Variants in ATP9A observed in about 807,000 individuals in gnomAD.
ATP9A encodes the protein ATPase phospholipid transporting 9A.
ATP9A carries 52 observed loss-of-function variants against 144.1 expected under a neutral mutation model. The ratio of observed to expected loss-of-function variants is 0.36; its 90% confidence interval spans 0.29 to 0.45. The LOEUF (loss-of-function observed/expected upper bound fraction) is 0.45. Ranked by LOEUF, ATP9A falls within the 20% of genes least tolerant of loss-of-function variation. The pLI, the probability that ATP9A is intolerant of heterozygous loss-of-function variation, is 1.00. For synonymous variants in ATP9A, 582 were observed against 557.4 expected (o/e 1.04, Z -0.62); for missense variants, 947 against 1,392.7 (o/e 0.68, Z 5.09).
intron 1 of ATP9A, among the ~76,000 whole-genome samples, chr20:51,739,016 G>C (rs766551881): frequency 6.6e-6 from 1 of 152,106 alleles, no homozygotes; most frequent in African/African-American, 2.4e-5. Flanking sequence ...TTGAACCTGG[G>C]AGGCGGAGGT....
At position 51,633,275 on chromosome 20, in the gene ATP9A, G is replaced by A. The variant is rs187617116; in HGVS notation, c.1669-4203C>T. ...CATTAAAATCAGATTTTAATAATAC[G>A]AAAAAATTCTCATCGTATACATATA... is the stretch of plus-strand genomic sequence containing the variant. On this transcript the variant is annotated intron_variant, in intron 15 of 27. Coordinates refer to ENST00000338821, the MANE Select transcript of ATP9A (RefSeq NM_006045.3). Among the ~76,000 whole-genome samples the A allele has an allele frequency of 6.7e-3, 983 of 146,528 alleles. 18 individuals carry two copies. Among genetic ancestry groups the A allele is most frequent in the Admixed American group, 0.033 (488 of 14,616 alleles).
chr20:51,668,646 C>T (rs970703927), intron 13 of ATP9A, among the ~76,000 whole-genome samples: 3 of 152,084 alleles, frequency 2.0e-5, no homozygotes, highest in Non-Finnish European at 2.9e-5. Context: ...GGAAGTTCCT[C>T]GTGATTTCTT....
At chr20:51,650,153 T>C (rs913949439) in intron 14 of ATP9A, among the ~76,000 whole-genome samples, 1 of 152,198 alleles carries the variant, frequency 6.6e-6, no homozygotes, top group African/African-American at 2.4e-5. Context: ...TGATATTCCA[T>C]GTCCTGGCAC....
chr20:51,621,831 G>A (rs995139109), intron 19 of ATP9A, among the ~76,000 whole-genome samples: 6 of 152,114 alleles, frequency 3.9e-5, no homozygotes, highest in Admixed American at 6.5e-5. Flanking sequence ...ACCCCCAAAA[G>A]GTTAAGAGCA....
rs565959232 is a variant in ATP9A at position 51,632,134 on chromosome 20, A to T, written c.1669-3062T>A. ...GCCCAGGCTAGAGCGCAATGGCACA[A>T]TCACGACTCACTACAGCCTCGACCT... On this transcript the variant is annotated intron_variant, in intron 15 of 27. Coordinates refer to ENST00000338821, the MANE Select transcript of ATP9A (RefSeq NM_006045.3). 1.1e-4 allele frequency among the ~76,000 whole-genome samples: 16 copies of T among 152,290 alleles called. No homozygotes were observed. In the South Asian group the frequency reaches 3.1e-3, roughly 30 times the overall value.
intron 1 of ATP9A, among the ~76,000 whole-genome samples, chr20:51,747,471 T>C (rs956608036): frequency 2.1e-4 from 32 of 152,126 alleles, no homozygotes; most frequent in African/African-American, 7.5e-4. Flanking sequence ...AGTAGAGACA[T>C]ATACACTCCA....
chr20:51,675,308 A>G (rs2077472480), intron 10 of ATP9A, among the ~76,000 whole-genome samples: 1 of 152,164 alleles, frequency 6.6e-6, no homozygotes, highest in Admixed American at 6.5e-5. Flanking sequence ...GAGACACAGC[A>G]TTCCTTCCTG....
intron 2 of ATP9A, among the ~76,000 whole-genome samples, chr20:51,727,703 G>A (rs534172048): frequency 2.6e-4 from 40 of 152,220 alleles, no homozygotes; most frequent in East Asian, 1.9e-4. Flanking sequence ...AAGCCGAGGC[G>A]GATGAATCAC....
intron 4 of ATP9A, among the ~76,000 whole-genome samples, chr20:51,701,630 A>C (rs1005075921): frequency 1.3e-5 from 2 of 152,182 alleles, no homozygotes; most frequent in East Asian, 3.9e-4. Context: ...CCAACTGTCC[A>C]TCAGCCAACA....
chr20:51,640,113 G>A (rs576911187), intron 14 of ATP9A, among the ~76,000 whole-genome samples: 136 of 151,516 alleles, frequency 9.0e-4, no homozygotes, highest in African/African-American at 2.9e-3. Context: ...CCCCCACTCC[G>A]AAAAAAGGAG....
chr20:51,713,077 G>A lies in ATP9A; in HGVS notation c.328-3C>T. 6.2e-7 allele frequency: 1 copy of A among 1,607,092 alleles called. No homozygotes were observed. The stretch of plus-strand genomic sequence containing the variant: ...ACAGTGACGGCCAGCACGAAGCCCT[G>A]CAGAGACAGACGACAGTGAGTCTTG... On this transcript the variant is annotated splice_polypyrimidine_tract_variant and splice_region_variant and intron_variant, in intron 3 of 27. Coordinates refer to ENST00000338821, the MANE Select transcript of ATP9A (RefSeq NM_006045.3).
intron 3 of ATP9A, among the ~76,000 whole-genome samples, chr20:51,721,825 A>G (rs1202992221): frequency 2.0e-5 from 3 of 151,678 alleles, no homozygotes; most frequent in Non-Finnish European, 2.9e-5. Flanking sequence ...AGAAAAAGAA[A>G]AAAGAAAAAA....
intron 1 of ATP9A, among the ~76,000 whole-genome samples, 161 bp downstream of exon 1, chr20:51,768,141 C>T (rs1283702402): frequency 1.3e-5 from 2 of 151,830 alleles, no homozygotes; most frequent in East Asian, 2.0e-4. Context: ...GGGGCTGAAG[C>T]GCAGGGACCC....
chr20:51,764,748 G>A (rs1308620651), intron 1 of ATP9A, among the ~76,000 whole-genome samples: 1 of 151,440 alleles, frequency 6.6e-6, no homozygotes, highest in Non-Finnish European at 1.5e-5. Context: ...TTGAGATGGA[G>A]TCTTGCTTCT....
rs1293250861 is a variant in ATP9A, at chr20:51,713,088, C to T, written c.328-14G>A. On this transcript the variant is annotated splice_polypyrimidine_tract_variant and intron_variant, in intron 3 of 27. Transcript: ENST00000338821. Reference sequence around the variant, plus strand: ...CAGCACGAAGCCCTGCAGAGACAGACGACAGTGAGTCTTGCTACAGGCAGT... The same window carrying T: ...CAGCACGAAGCCCTGCAGAGACAGATGACAGTGAGTCTTGCTACAGGCAGT... The T allele has an allele frequency of 1.6e-5, 25 of 1,599,776 alleles. No homozygotes were observed. Among genetic ancestry groups the T allele is most frequent in the African/African-American group, 4.0e-5 (3 of 74,514 alleles).
intron 9 of ATP9A, among the ~76,000 whole-genome samples, chr20:51,682,214 A>T (rs961831190): frequency 1.3e-5 from 2 of 152,130 alleles, no homozygotes; most frequent in Non-Finnish European, 2.9e-5. Context: ...CCGTGTAGCA[A>T]ATCTGCACAT....
At chr20:51,673,755 T>A (rs1356504380) in intron 11 of ATP9A, among the ~76,000 whole-genome samples, 1 of 152,108 alleles carries the variant, frequency 6.6e-6, no homozygotes, top group African/African-American at 2.4e-5. Context: ...AGAGATCTGC[T>A]CCTTCTAAAA....
chr20:51,664,117 C>A (rs1233976664), intron 13 of ATP9A, among the ~76,000 whole-genome samples: 1 of 152,026 alleles, frequency 6.6e-6, no homozygotes, highest in Admixed American at 6.6e-5. Flanking sequence ...TGGGTTCAAG[C>A]AAGTCTCCTG....
chr20:51,672,332 C>T (rs925763296), intron 11 of ATP9A, among the ~76,000 whole-genome samples: 1 of 152,160 alleles, frequency 6.6e-6, no homozygotes, highest in Admixed American at 6.6e-5. Context: ...GAAGTCTTCA[C>T]ATTAATTCAT....
Sources: allele counts gnomAD v4.1 joint callset (sites outside exome capture counted in the v4.1 genomes callset), GRCh38; gene constraint gnomAD v4.1.1; transcripts MANE v1.5; gene names NCBI Gene and HGNC (gene_info 2026-07-23, HGNC 2026-07-21).